Variants in CFL1 observed in about 807,000 individuals in gnomAD.
The protein encoded by CFL1 is cofilin 1.
A neutral mutation model predicts 16.3 loss-of-function variants in CFL1; 2 were observed. That is an observed-to-expected ratio of 0.12 (90% CI 0.05 to 0.39). The LOEUF (loss-of-function observed/expected upper bound fraction) is 0.39, where lower values mean the gene tolerates loss of function less well. CFL1 is among the 10% of genes least tolerant of loss of function. The probability of loss-of-function intolerance (pLI) is 0.99; values close to 1 mark genes in which losing one functional copy is unlikely to be tolerated. For missense variants in CFL1, 75 were observed against 212.2 expected, an observed-to-expected ratio of 0.35 and a Z score of 4.02; for synonymous variants, 111 against 84.4, an observed-to-expected ratio of 1.31 and a Z score of -1.73.
intron 1 of CFL1, chr11:65,856,461 C>T: frequency 1.8e-6 from 1 of 549,086 alleles, no homozygotes; most frequent in Non-Finnish European, 3.3e-6. Flanking sequence ...CCCCTTCCCT[C>T]ATTTTACAGG....
rs548875618 is a variant in CFL1 at position 65,856,057 on chromosome 11, A to G, written c.189T>C (p.Thr63=). 1.2e-6 allele frequency: 2 copies of G among 1,614,182 alleles called. No homozygotes were observed. Among genetic ancestry groups the G allele is most frequent in the East Asian group, 2.2e-5 (1 of 44,880 alleles). The part of the protein sequence containing the change: ...KEILVGDVGQ[T]VDDPYATFVK... ...CAAAGGTGGCGTAGGGGTCGTCGAC[A>G]GTCTGGCCCACATCGCCCACCAGGA... The change falls in exon 2 of 4, where the codon ACT becomes ACC. Residue 63 remains threonine, a synonymous_variant. Coordinates refer to ENST00000308162, the MANE Select transcript of CFL1 (RefSeq NM_005507.3).
At chr11:65,856,299 T>G in intron 1 of CFL1, 57 bp from the exon 2 acceptor site, 1 of 1,547,844 alleles carries the variant, frequency 6.5e-7, no homozygotes, top group South Asian at 1.2e-5. Flanking sequence ...TGCCCCTTGT[T>G]TTTTCAGAAG....
At chr11:65,857,746 A>G (rs2134709751) in intron 1 of CFL1, 1 of 174,210 alleles carries the variant, frequency 5.7e-6, no homozygotes, top group Non-Finnish European at 1.2e-5. Flanking sequence ...TGGACGCCGC[A>G]TGCTCCAGTC....
In CFL1 at chr11:65,855,643, C is replaced by A; in HGVS notation, c.388+11G>T. On this transcript the variant is annotated intron_variant, in intron 3 of 3. Coordinates refer to ENST00000308162, the MANE Select transcript of CFL1 (RefSeq NM_005507.3). ...AGCAGAAGGGCACTCAGCACCAATG[C>A]TGGCCCTTACCTGTCAGCTTCTTCT... The A allele has an allele frequency of 6.4e-7, 1 of 1,565,808 alleles. No homozygotes were observed. Among genetic ancestry groups the A allele is most frequent in the South Asian group, 1.2e-5 (1 of 82,822 alleles).
chr11:65,857,955 C>T, intron 1 of CFL1, 142 bp downstream of exon 1: 1 of 855,108 alleles, frequency 1.2e-6, no homozygotes, highest in Non-Finnish European at 1.6e-6. Context: ...CGCATTCCGG[C>T]ACCGCCCGCC....
intron 1 of CFL1, chr11:65,857,638 G>A (rs1480494579): frequency 4.4e-6 from 1 of 225,022 alleles, no homozygotes; most frequent in Non-Finnish European, 9.6e-6. Flanking sequence ...GGACCCGGCT[G>A]CCGAGGGAGG....
At chr11:65,858,052 C>A in intron 1 of CFL1, 45 bp downstream of exon 1, 1 of 1,522,008 alleles carries the variant, frequency 6.6e-7, no homozygotes, top group Non-Finnish European at 8.8e-7. Flanking sequence ...GCGCAGGCGA[C>A]CGACCCGCAG....
At position 65,855,033 on chromosome 11, in the gene CFL1, G is replaced by A. The variant is rs539649516; in HGVS notation, c.*303C>T. 3.3e-5 allele frequency: 12 copies of A among 365,186 alleles called. No individual in the cohort carries two copies. The East Asian group carries it at 6.8e-4, about 21-fold the overall frequency. The allele number at this position is 365,186 out of a possible 1,614,324, so 22.6% of individuals were successfully genotyped here. On this transcript the variant is annotated 3_prime_UTR_variant, in exon 4 of 4. Transcript: ENST00000308162. ...GGGGGAGGACCAGGTGGGGAATGGG[G>A]ATGTTGTTAAAAAAAATACAGGCTC...
intron 1 of CFL1, chr11:65,856,446 A>G: frequency 1.7e-6 from 1 of 574,008 alleles, no homozygotes. Context: ...CACCTAGTTC[A>G]ACAACCCCTT....
rs1301199606 is a variant in CFL1 at position 65,855,017 on chromosome 11, C to T, written c.*319G>A. On this transcript the variant is annotated 3_prime_UTR_variant, in exon 4 of 4. Transcript: ENST00000308162. Reference sequence around the variant, plus strand: ...GTTGGCAGCATGGGAAGGGGGAGGACCAGGTGGGGAATGGGGATGTTGTTA... The same window carrying T: ...GTTGGCAGCATGGGAAGGGGGAGGATCAGGTGGGGAATGGGGATGTTGTTA... 1.5e-5 allele frequency: 5 copies of T among 331,536 alleles called. No homozygotes were observed. In the East Asian group the frequency reaches 3.6e-4, roughly 24 times the overall value. The allele number at this position is 331,536 out of a possible 1,614,324, so 20.5% of individuals were successfully genotyped here. A position where few individuals can be genotyped will look rare whatever the true frequency, so the allele number is the denominator to read the frequency against.
In CFL1 at chr11:65,856,183, A is replaced by G. The variant is rs753944820; in HGVS notation, c.63T>C (p.Arg21=). The G allele has an allele frequency of 6.2e-7, 1 of 1,614,138 alleles. No homozygotes were observed. Among genetic ancestry groups the G allele is most frequent in the East Asian group, 2.2e-5 (1 of 44,882 alleles). The change falls in exon 2 of 4, where the codon CGT becomes CGC. Residue 21 remains arginine, a synonymous_variant. Transcript: ENST00000308162. ...VIKVFNDMKV[R]KSSTPEEVKK... is the part of the protein sequence containing the mutation. ...TCACCTCCTCTGGCGTTGAAGACTTACGCACCTTCATGTCGTTGAACACCT... is the reference window on the plus strand; with the variant it reads ...TCACCTCCTCTGGCGTTGAAGACTTGCGCACCTTCATGTCGTTGAACACCT...
In CFL1 at chr11:65,858,153, T is replaced by C. The variant is rs996255067; in HGVS notation, c.-54A>G. ...CGAGAGCCGCAGAAGACGAGAGCGC[T>C]GCAGCCGCTGCCGGGACCCGACTGA... is the stretch of plus-strand genomic sequence containing the variant. On this transcript the variant is annotated 5_prime_UTR_variant, in exon 1 of 4. Coordinates refer to ENST00000308162, the MANE Select transcript of CFL1 (RefSeq NM_005507.3). 17 of 1,510,452 alleles carry C rather than the reference T, an allele frequency of 1.1e-5. No individual in the cohort carries two copies. The highest frequency in any genetic ancestry group is 2.8e-5 in the East Asian group (1 of 36,120). 93.6% of individuals were successfully genotyped at this position (1,510,452 alleles called of 1,614,324 possible).
Position 65,855,197 on chromosome 11 carries a change from G to C in CFL1, c.*139C>G. 1 of 657,274 alleles carries C rather than the reference G, an allele frequency of 1.5e-6. No individual in the cohort carries two copies. The highest frequency in any genetic ancestry group is 1.8e-5 in the South Asian group (1 of 54,876). The allele number at this position is 657,274 out of a possible 1,614,324, so 40.7% of individuals were successfully genotyped here. A position where few individuals can be genotyped will look rare whatever the true frequency, so the allele number is the denominator to read the frequency against. On this transcript the variant is annotated 3_prime_UTR_variant, in exon 4 of 4. Coordinates refer to ENST00000308162, the MANE Select transcript of CFL1 (RefSeq NM_005507.3). ...AATCCAGGGGGTGGGGGGTCTGTTT[G>C]GCAACTGGGGTGAAGGGATTGCCCT... is the stretch of plus-strand genomic sequence containing the variant.
rs1231229724 is a variant in CFL1 at position 65,855,777 on chromosome 11, C to A, written c.312-47G>T. ...GCAACTCCCAGCAACAGCAAAGCCA[C>A]AGGTGACTTTGAGAAACCCTTGGGC... On this transcript the variant is annotated intron_variant, in intron 2 of 3. Coordinates refer to ENST00000308162, the MANE Select transcript of CFL1 (RefSeq NM_005507.3). The A allele has an allele frequency of 1.2e-5, 19 of 1,524,458 alleles. No individual in the cohort carries two copies. In the South Asian group the frequency reaches 1.6e-4, roughly 13 times the overall value. 94.4% of individuals were successfully genotyped at this position (1,524,458 alleles called of 1,614,324 possible).
intron 1 of CFL1, 49 bp from the exon 2 acceptor site, chr11:65,856,291 C>T: frequency 1.3e-6 from 2 of 1,563,806 alleles, no homozygotes; most frequent in Non-Finnish European, 1.7e-6. Context: ...TAGGGAACTG[C>T]CCCTTGTTTT....
Position 65,854,720 on chromosome 11 carries a change from G to A in CFL1, c.*616C>T, listed in dbSNP as rs1234841615. ...AGGGGCTGGTTGGGTGTGGAGTACAGAGGAGAGAGATAGCACCATTATCCC... is the reference window on the plus strand; with the variant it reads ...AGGGGCTGGTTGGGTGTGGAGTACAAAGGAGAGAGATAGCACCATTATCCC... On this transcript the variant is annotated 3_prime_UTR_variant, in exon 4 of 4. Coordinates refer to ENST00000308162, the MANE Select transcript of CFL1 (RefSeq NM_005507.3). 6.5e-6 allele frequency: 1 copy of A among 152,966 alleles called. No homozygotes were observed. The highest frequency in any genetic ancestry group is 1.9e-4 in the East Asian group (1 of 5,214). The allele number at this position is 152,966 out of a possible 1,614,324, so 9.5% of individuals were successfully genotyped here.
chr11:65,855,307 G>A lies in CFL1; in HGVS notation c.*29C>T. Reference sequence around the variant, plus strand: ...CCCAAGGGCAGGTGTGGGGCTGCCAGATGCTCCAGGCAGGGGGCCAGAAGG... The same window carrying A: ...CCCAAGGGCAGGTGTGGGGCTGCCAAATGCTCCAGGCAGGGGGCCAGAAGG... On this transcript the variant is annotated 3_prime_UTR_variant, in exon 4 of 4. Coordinates refer to ENST00000308162, the MANE Select transcript of CFL1 (RefSeq NM_005507.3). 1 of 1,591,082 alleles carries A rather than the reference G, an allele frequency of 6.3e-7. No homozygotes were observed. The highest frequency in any genetic ancestry group is 8.6e-7 in the Non-Finnish European group (1 of 1,161,428).
At chr11:65,857,427 C>CACGGG (rs946271055) in intron 1 of CFL1, 3 of 437,876 alleles carry the variant, frequency 6.9e-6, no homozygotes, top group Non-Finnish European at 9.3e-6. Flanking sequence ...TCGCCCGATG[C>CACGGG]ACGGGTGAGA....
At chr11:65,855,812 G>T in intron 2 of CFL1, 82 bp from the exon 3 acceptor site, 1 of 1,504,418 alleles carries the variant, frequency 6.6e-7, no homozygotes. Context: ...CTGGCAGTGA[G>T]GAGTCTTTTG....
Sources: allele counts gnomAD v4.1 joint callset, GRCh38; gene constraint gnomAD v4.1.1; transcripts MANE v1.5; gene names NCBI Gene and HGNC (gene_info 2026-07-23, HGNC 2026-07-21).